The following ANKRD55 variants were observed in gnomAD, a reference collection of about 807,000 sequenced individuals.
ANKRD55 encodes the protein ankyrin repeat domain 55.
A neutral mutation model predicts 60.6 loss-of-function variants in ANKRD55; 41 were observed. The observed-to-expected ratio is 0.68, with a 90% CI of 0.53 to 0.88. The LOEUF (loss-of-function observed/expected upper bound fraction) is 0.88, where lower values mean the gene tolerates loss of function less well. ANKRD55 is among the 40% of genes least tolerant of loss of function. ANKRD55 has a pLI of 0.00. For missense variants in ANKRD55, 732 were observed against 767.6 expected, an observed-to-expected ratio of 0.95 and a Z score of 0.55; for synonymous variants, 264 against 290.3, an observed-to-expected ratio of 0.91 and a Z score of 0.92.
intron 2 of ANKRD55, among the ~76,000 whole-genome samples, chr5:56,229,807 C>T (rs1328298845): frequency 6.6e-6 from 1 of 152,226 alleles, no homozygotes; most frequent in Non-Finnish European, 1.5e-5. Flanking sequence ...GTGCAGGAAG[C>T]TTCCTATTGC....
chr5:56,101,515 T>C (rs959672614), intron 11 of ANKRD55, among the ~76,000 whole-genome samples: 1 of 152,134 alleles, frequency 6.6e-6, no homozygotes, highest in African/African-American at 2.4e-5. Context: ...TGTCCTGTAG[T>C]TTTGTTCCTG....
intron 2 of ANKRD55, chr5:56,192,435 C>A (rs1260136200): frequency 1.0e-5 from 2 of 195,286 alleles, no homozygotes; most frequent in South Asian, 2.4e-4. Flanking sequence ...CCAGGAGCCA[C>A]TTCTGCGGGT....
Position 56,178,869 on chromosome 5 carries a change from C to T in ANKRD55, c.182-2587G>A, listed in dbSNP as rs572835326. 1.3e-4 allele frequency among the ~76,000 whole-genome samples: 15 copies of T among 117,010 alleles called. No individual in the cohort carries two copies. In the East Asian group the frequency reaches 4.8e-3, roughly 37 times the overall value. The allele number at this position is 117,010 out of a possible 152,430, so 76.8% of individuals were successfully genotyped here. On this transcript the variant is annotated intron_variant, in intron 3 of 11. Coordinates refer to ENST00000341048, the MANE Select transcript of ANKRD55 (RefSeq NM_024669.3). ...AACTTGAAAACCACTTCATACATAT[C>T]GGATTAGCAATTATAAAACATCTGA...
At chr5:56,225,435 G>A (rs1360122101) in intron 2 of ANKRD55, among the ~76,000 whole-genome samples, 3 of 152,184 alleles carry the variant, frequency 2.0e-5, no homozygotes, top group East Asian at 1.9e-4. Flanking sequence ...AGACAGGGAT[G>A]CCCTCTCTCA....
At chr5:56,110,804 C>A (rs1419367842) in intron 10 of ANKRD55, among the ~76,000 whole-genome samples, 1 of 152,198 alleles carries the variant, frequency 6.6e-6, no homozygotes, top group Non-Finnish European at 1.5e-5. Context: ...TTGCCACACA[C>A]TAGTTAAGAA....
chr5:56,113,467 G>A (rs1370835796), intron 9 of ANKRD55, among the ~76,000 whole-genome samples: 5 of 152,278 alleles, frequency 3.3e-5, no homozygotes, highest in Middle Eastern at 6.8e-3. Context: ...GCACTCGTAA[G>A]CAATTCTACT....
intron 7 of ANKRD55, among the ~76,000 whole-genome samples, chr5:56,139,190 G>GT (rs1033112728): frequency 2.0e-5 from 3 of 152,256 alleles, no homozygotes; most frequent in South Asian, 2.1e-4. Flanking sequence ...TACATGAAAT[G>GT]TTTTTTTCCA....
intron 7 of ANKRD55, among the ~76,000 whole-genome samples, chr5:56,142,940 T>C (rs906244178): frequency 6.6e-6 from 1 of 152,312 alleles, no homozygotes; most frequent in East Asian, 1.9e-4. Context: ...ATCACTTCTG[T>C]TTTCCCCTTA....
chr5:56,219,283 A>AAG, intron 2 of ANKRD55, among the ~76,000 whole-genome samples: 1 of 143,406 alleles, frequency 7.0e-6, no homozygotes, highest in East Asian at 2.0e-4. Context: ...CAAAAAAAAA[A>AAG]AAAAAAAAAG....
At chr5:56,198,226 T>G (rs1306789455) in intron 2 of ANKRD55, among the ~76,000 whole-genome samples, 1 of 152,218 alleles carries the variant, frequency 6.6e-6, no homozygotes, top group African/African-American at 2.4e-5. Context: ...GCCTGCTGGC[T>G]CTCAAGATAG....
At chr5:56,193,623 G>A in intron 2 of ANKRD55, 1 of 306,022 alleles carries the variant, frequency 3.3e-6, no homozygotes, top group Non-Finnish European at 6.3e-6. Context: ...CAAAAGTGAA[G>A]TCAGGAAACC....
intron 2 of ANKRD55, among the ~76,000 whole-genome samples, chr5:56,193,939 T>C (rs889306094): frequency 2.6e-5 from 4 of 152,208 alleles, no homozygotes; most frequent in African/African-American, 9.6e-5. Flanking sequence ...TTTGACCATC[T>C]GTATTATTGT....
chr5:56,197,318 G>A (rs1228140262), intron 2 of ANKRD55, among the ~76,000 whole-genome samples: 4 of 152,080 alleles, frequency 2.6e-5, no homozygotes, highest in Admixed American at 2.6e-4. Context: ...GGCAGGAAGG[G>A]TTCATTAAGT....
At chr5:56,154,294 C>T (rs1252722895) in intron 6 of ANKRD55, among the ~76,000 whole-genome samples, 2 of 150,116 alleles carry the variant, frequency 1.3e-5, no homozygotes, top group Non-Finnish European at 3.0e-5. Context: ...CGCTACCCCT[C>T]ATACAATGGA....
chr5:56,181,421 A>C (rs114081551), intron 3 of ANKRD55, among the ~76,000 whole-genome samples: 2,822 of 152,136 alleles, frequency 0.019, 108 homozygotes, highest in African/African-American at 0.063. Context: ...TTTATTATTA[A>C]TATGTGTTAA....
intron 6 of ANKRD55, among the ~76,000 whole-genome samples, chr5:56,149,616 T>C (rs1300971130): frequency 6.6e-6 from 1 of 152,178 alleles, no homozygotes; most frequent in East Asian, 1.9e-4. Context: ...ACATGAGACA[T>C]GGCAGGTACT....
intron 2 of ANKRD55, among the ~76,000 whole-genome samples, chr5:56,215,585 G>A (rs2111880515): frequency 6.6e-6 from 1 of 152,348 alleles, no homozygotes; most frequent in African/African-American, 2.4e-5. Context: ...GTGTCAGAAA[G>A]GGGTTGATTG....
At chr5:56,181,009 T>C (rs1409454398) in intron 3 of ANKRD55, among the ~76,000 whole-genome samples, 2 of 152,152 alleles carry the variant, frequency 1.3e-5, no homozygotes, top group African/African-American at 4.8e-5. Context: ...GAGAAGAGCC[T>C]GGGCAACATG....
At chr5:56,199,234 T>A (rs773803014) in intron 2 of ANKRD55, among the ~76,000 whole-genome samples, 1 of 152,232 alleles carries the variant, frequency 6.6e-6, no homozygotes, top group Non-Finnish European at 1.5e-5. Context: ...AATTGTGCTC[T>A]ATTTCAATTC....
Sources: allele counts gnomAD v4.1 joint callset (sites outside exome capture counted in the v4.1 genomes callset), GRCh38; gene constraint gnomAD v4.1.1; transcripts MANE v1.5; gene names NCBI Gene and HGNC (gene_info 2026-07-23, HGNC 2026-07-21).